The following SRRM4 variants were observed in gnomAD, a reference collection of about 807,000 sequenced individuals.
SRRM4 encodes the protein serine/arginine repetitive matrix protein 4.
A neutral mutation model predicts 68.9 loss-of-function variants in SRRM4; 33 were observed. The ratio of observed to expected loss-of-function variants is 0.48; its 90% CI spans 0.36 to 0.64. The LOEUF is 0.64. SRRM4 is among the 30% of genes least tolerant of loss of function. SRRM4 has a pLI of 0.00. For missense variants in SRRM4, 817 were observed against 827.1 expected, an observed-to-expected ratio of 0.99 and a Z score of 0.15; for synonymous variants, 318 against 318.8, an observed-to-expected ratio of 1.00 and a Z score of 0.03.
intron 1 of SRRM4, among the ~76,000 whole-genome samples, chr12:119,072,974 A>T (rs1953886769): frequency 6.6e-6 from 1 of 152,156 alleles, no homozygotes; most frequent in African/African-American, 2.4e-5. Context: ...CACAATCATC[A>T]TTGCCTCCAA....
intron 1 of SRRM4, among the ~76,000 whole-genome samples, chr12:118,982,736 C>T (rs1953258617): frequency 6.9e-6 from 1 of 143,926 alleles, no homozygotes; most frequent in South Asian, 2.3e-4. Context: ...GGATGAGAAC[C>T]GATCCTTGGA....
intron 1 of SRRM4, among the ~76,000 whole-genome samples, chr12:119,071,912 C>CAGTCA (rs933124163): frequency 5.3e-5 from 8 of 152,314 alleles, no homozygotes; most frequent in African/African-American, 1.7e-4. Flanking sequence ...GTCTGGCACA[C>CAGTCA]AGTCCATGCC....
chr12:119,000,041 T>C (rs1311260813), intron 1 of SRRM4, among the ~76,000 whole-genome samples: 2 of 152,214 alleles, frequency 1.3e-5, no homozygotes, highest in Non-Finnish European at 2.9e-5. Flanking sequence ...TGACACATGA[T>C]GTTTTGTATT....
intron 1 of SRRM4, among the ~76,000 whole-genome samples, chr12:119,077,065 C>A (rs1953920960): frequency 7.2e-6 from 1 of 139,742 alleles, no homozygotes; most frequent in South Asian, 2.3e-4. Context: ...TCTCCTGAGA[C>A]CGAGGGAGAG....
At chr12:119,007,572 A>G (rs1028345861) in intron 1 of SRRM4, among the ~76,000 whole-genome samples, 3 of 152,146 alleles carry the variant, frequency 2.0e-5, no homozygotes, top group Non-Finnish European at 2.9e-5. Flanking sequence ...ATAATGTTCT[A>G]TTATAGGCAT....
chr12:119,154,949 A>T lies in SRRM4; in HGVS notation c.1532+566A>T, dbSNP rs1278088238. The stretch of plus-strand genomic sequence containing the variant: ...CGGTGGATAAGCCGGAGAGCACTGG[A>T]TGTGGATTGGAATCCTGAATGTACC... On this transcript the variant is annotated intron_variant, in intron 12 of 12. Coordinates refer to ENST00000267260, the MANE Select transcript of SRRM4 (RefSeq NM_194286.4). The surrounding 1 kb of genome is among the most constrained non-coding windows in gnomAD (Gnocchi z 4.7). Among the ~76,000 whole-genome samples, 5 of 152,204 alleles carry T rather than the reference A, an allele frequency of 3.3e-5. No individual in the cohort carries two copies. Among genetic ancestry groups the T allele is most frequent in the African/African-American group, 4.8e-5 (2 of 41,454 alleles).
chr12:119,075,937 G>GATGATGGTGGTGGTA, intron 1 of SRRM4, among the ~76,000 whole-genome samples: 1 of 79,760 alleles, frequency 1.3e-5, no homozygotes. Flanking sequence ...TGGTGATGGT[G>GATGATGGTGGTGGTA]ATGATGATGG....
At chr12:119,140,971 A>AT (rs909997713) in intron 8 of SRRM4, among the ~76,000 whole-genome samples, 8 of 151,940 alleles carry the variant, frequency 5.3e-5, no homozygotes, top group African/African-American at 1.2e-4. Flanking sequence ...GAAGAGAATA[A>AT]TTTTTTTTGG....
chr12:118,995,496 T>A (rs1375578180), intron 1 of SRRM4, among the ~76,000 whole-genome samples: 2 of 152,214 alleles, frequency 1.3e-5, no homozygotes, highest in Non-Finnish European at 2.9e-5. Context: ...CAGTGGTGCA[T>A]CAGAGAGAAT....
intron 12 of SRRM4, among the ~76,000 whole-genome samples, chr12:119,155,191 G>A (rs771903079): frequency 6.6e-6 from 1 of 152,244 alleles, no homozygotes; most frequent in Non-Finnish European, 1.5e-5. Context: ...AACAGGTAAG[G>A]CCTCAGAAGA....
At position 119,162,724 on chromosome 12, in the gene SRRM4, C is replaced by G. The variant is rs753562934; in HGVS notation, c.*5926C>G. 1 of 152,166 alleles carries G rather than the reference C, an allele frequency of 6.6e-6. No homozygotes were observed. Among genetic ancestry groups the G allele is most frequent in the African/African-American group, 2.4e-5 (1 of 41,430 alleles). The allele number at this position is 152,166 out of a possible 1,614,324, so 9.4% of individuals were successfully genotyped here. On this transcript the variant is annotated 3_prime_UTR_variant, in exon 13 of 13. Coordinates refer to ENST00000267260, the MANE Select transcript of SRRM4 (RefSeq NM_194286.4). ...GACCTAGCATAATCCACCACATTGG[C>G]CAAGGGGACGTGGTGCACCCCAAGG...
At chr12:118,994,446 C>T (rs1158958682) in intron 1 of SRRM4, among the ~76,000 whole-genome samples, 1 of 152,068 alleles carries the variant, frequency 6.6e-6, no homozygotes, top group Non-Finnish European at 1.5e-5. Flanking sequence ...TTTCAGCCAC[C>T]CTGATGTTTA....
At chr12:119,053,391 C>T (rs1180971077) in intron 1 of SRRM4, among the ~76,000 whole-genome samples, 1 of 152,116 alleles carries the variant, frequency 6.6e-6, no homozygotes, top group Non-Finnish European at 1.5e-5. Flanking sequence ...CATAAATGGA[C>T]AGCAATCATT....
intron 1 of SRRM4, among the ~76,000 whole-genome samples, chr12:119,067,825 T>C (rs1953855772): frequency 6.6e-6 from 1 of 152,262 alleles, no homozygotes; most frequent in Admixed American, 6.5e-5. Context: ...TTAATCTGTC[T>C]GAACCTCAGT....
Position 118,982,664 on chromosome 12 carries a change from A to ATTT in SRRM4, c.131+653_131+655dup, listed in dbSNP as rs1448771127. Among the ~76,000 whole-genome samples, 46 of 59,430 alleles carry ATTT rather than the reference A, an allele frequency of 7.7e-4. No homozygotes were observed. The East Asian group carries it at 0.011, about 14-fold the overall frequency. 39.0% of individuals were successfully genotyped at this position (59,430 alleles called of 152,430 possible). A position where few individuals can be genotyped will look rare whatever the true frequency, so the allele number is the denominator to read the frequency against. ...GTGAAGATGATCTTGGAAGAGTTTT[A>ATTT]TTTTGTTTTTTTTTGTTTTTTTTTT... On this transcript the variant is annotated intron_variant, in intron 1 of 12. Coordinates refer to ENST00000267260, the MANE Select transcript of SRRM4 (RefSeq NM_194286.4).
At chr12:119,022,453 A>G (rs541387976) in intron 1 of SRRM4, among the ~76,000 whole-genome samples, 1 of 152,320 alleles carries the variant, frequency 6.6e-6, no homozygotes, top group South Asian at 2.1e-4. Context: ...CTTCACATCC[A>G]CAAATCAGCA....
At chr12:119,093,357 A>C (rs977563523) in intron 1 of SRRM4, among the ~76,000 whole-genome samples, 1 of 152,204 alleles carries the variant, frequency 6.6e-6, no homozygotes, top group Non-Finnish European at 1.5e-5. Context: ...TCTTGGGAGC[A>C]GTTTACACTC....
rs79563934 is a variant in SRRM4, at chr12:119,053,388, G to T, written c.132-48848G>T. On this transcript the variant is annotated intron_variant, in intron 1 of 12. Coordinates refer to ENST00000267260, the MANE Select transcript of SRRM4 (RefSeq NM_194286.4). ...TAGTATAGGAAACACATGCATAAAT[G>T]GACAGCAATCATTATTAGTCTTGTG... Among the ~76,000 whole-genome samples the T allele has an allele frequency of 9.1e-3, 1,391 of 152,236 alleles. 22 individuals are homozygous for T. The highest frequency in any genetic ancestry group is 0.032 in the African/African-American group (1,317 of 41,520).
intron 1 of SRRM4, among the ~76,000 whole-genome samples, chr12:119,054,446 A>G (rs1031731001): frequency 6.6e-6 from 1 of 152,214 alleles, no homozygotes; most frequent in African/African-American, 2.4e-5. Context: ...TACCAAAATC[A>G]AACAACTAGA....
Sources: allele counts gnomAD v4.1 joint callset (sites outside exome capture counted in the v4.1 genomes callset), GRCh38; gene constraint gnomAD v4.1.1; non-coding constraint Gnocchi (gnomAD v3.1); transcripts MANE v1.5; gene names NCBI Gene and HGNC (gene_info 2026-07-23, HGNC 2026-07-21).